Variants in PJA2 observed in about 807,000 individuals in gnomAD.
PJA2 encodes the protein E3 ubiquitin-protein ligase Praja-2.
PJA2 carries 25 observed loss-of-function variants against 69.3 expected under a neutral mutation model. The observed-to-expected ratio is 0.36, with a 90% CI of 0.26 to 0.50. The LOEUF is 0.50. Ranked by LOEUF, PJA2 falls within the 20% of genes least tolerant of loss-of-function variation. The pLI is 0.96. For synonymous variants in PJA2, 308 were observed against 277.8 expected, an observed-to-expected ratio of 1.11 and a Z score of -1.08; for missense variants, 809 against 830.2, an observed-to-expected ratio of 0.97 and a Z score of 0.31.
chr5:109,403,853 C>T (rs907586750), intron 1 of PJA2, among the ~76,000 whole-genome samples: 1 of 151,636 alleles, frequency 6.6e-6, no homozygotes, highest in African/African-American at 2.4e-5. Flanking sequence ...GGGCAGATCA[C>T]GAGGTGAGGA....
intron 9 of PJA2, among the ~76,000 whole-genome samples, chr5:109,340,156 T>G (rs546833330): frequency 2.6e-5 from 4 of 152,214 alleles, no homozygotes; most frequent in Admixed American, 1.3e-4. Flanking sequence ...GATTTTGTTG[T>G]TAATAAAATA....
chr5:109,400,761 C>A (rs1390111829), intron 1 of PJA2, among the ~76,000 whole-genome samples: 1 of 151,898 alleles, frequency 6.6e-6, no homozygotes, highest in South Asian at 2.1e-4. Context: ...AGGTGGATCA[C>A]GAGGTCAGGA....
chr5:109,344,624 T>C, intron 8 of PJA2, 81 bp downstream of exon 8: 1 of 923,942 alleles, frequency 1.1e-6, no homozygotes, highest in Non-Finnish European at 1.6e-6. Flanking sequence ...AATAATCAAG[T>C]ATTTAATTAT....
At chr5:109,398,851 T>C (rs965118392) in intron 1 of PJA2, among the ~76,000 whole-genome samples, 1 of 152,056 alleles carries the variant, frequency 6.6e-6, no homozygotes, top group African/African-American at 2.4e-5. Flanking sequence ...TCCAGGCTCC[T>C]ATACCAGTAC....
rs150803691 is a variant in PJA2, at chr5:109,358,617, C to G, written c.1653-2591G>C. On this transcript the variant is annotated intron_variant, in intron 6 of 9. Transcript: ENST00000361189. Reference sequence around the variant, plus strand: ...GCGGATCACTTTGAGCTCAGGAGTTCAAGACCAGCCTGGGCAACACGGTGA... The same window carrying G: ...GCGGATCACTTTGAGCTCAGGAGTTGAAGACCAGCCTGGGCAACACGGTGA... 4.7e-3 allele frequency among the ~76,000 whole-genome samples: 716 copies of G among 152,194 alleles called. 6 individuals are homozygous for G. Among genetic ancestry groups the G allele is most frequent in the Non-Finnish European group, 6.8e-3 (465 of 68,006 alleles).
At chr5:109,403,391 A>G (rs138154149) in intron 1 of PJA2, among the ~76,000 whole-genome samples, 50 of 152,274 alleles carry the variant, frequency 3.3e-4, no homozygotes, top group African/African-American at 1.2e-3. Flanking sequence ...GAAGCCTTCC[A>G]GCAAAGAAAA....
chr5:109,341,548 T>TG (rs1334894081), intron 9 of PJA2, among the ~76,000 whole-genome samples: 448 of 51,216 alleles, frequency 8.7e-3, no homozygotes, highest in South Asian at 0.014. Context: ...GGGAGGGAGG[T>TG]GGGGGGGGGT....
At chr5:109,350,276 A>G (rs2126990217) in intron 7 of PJA2, among the ~76,000 whole-genome samples, 1 of 152,112 alleles carries the variant, frequency 6.6e-6, no homozygotes, top group East Asian at 1.9e-4. Flanking sequence ...TAGTATGAAA[A>G]TCTATAAAAA....
intron 7 of PJA2, among the ~76,000 whole-genome samples, chr5:109,351,382 C>T (rs1314791005): frequency 6.6e-6 from 1 of 152,094 alleles, no homozygotes; most frequent in Non-Finnish European, 1.5e-5. Flanking sequence ...TCATTAGATT[C>T]ACTTCCTACA....
intron 9 of PJA2, among the ~76,000 whole-genome samples, chr5:109,340,520 G>A (rs954176694): frequency 6.6e-6 from 1 of 151,292 alleles, no homozygotes; most frequent in Non-Finnish European, 1.5e-5. Context: ...GAACTGGATG[G>A]TAAATATCCT....
Position 109,400,338 on chromosome 5 carries a change from A to AT in PJA2, c.-88+9503dup, listed in dbSNP as rs949321780. ...GTCAAAAGAAATGATCCAAGCCTAG[A>AT]TAAAAAGTGATTTAACTGAAAAGAA... On this transcript the variant is annotated intron_variant, in intron 1 of 9. Transcript: ENST00000361189. 1.2e-4 allele frequency among the ~76,000 whole-genome samples: 19 copies of AT among 152,080 alleles called. No individual in the cohort carries two copies. In the South Asian group the frequency reaches 1.5e-3, roughly 12 times the overall value.
At chr5:109,360,857 G>A (rs1762493196) in intron 6 of PJA2, among the ~76,000 whole-genome samples, 1 of 151,900 alleles carries the variant, frequency 6.6e-6, no homozygotes, top group African/African-American at 2.4e-5. Context: ...GCTGGGCATG[G>A]TGGCTCACAC....
intron 9 of PJA2, among the ~76,000 whole-genome samples, chr5:109,342,000 T>C (rs1416302393): frequency 1.4e-5 from 1 of 70,750 alleles, no homozygotes; most frequent in African/African-American, 5.6e-5. Context: ...GGGAGGGAGG[T>C]GGGGGGGTCG....
In PJA2 at chr5:109,399,802, C is replaced by A. The variant is rs567528827; in HGVS notation, c.-88+10040G>T. On this transcript the variant is annotated intron_variant, in intron 1 of 9. Transcript: ENST00000361189. Reference sequence around the variant, plus strand: ...CAGATAAAGCAATTAACAGAATTATCAGAGAAGAAAATTAAAATAACTATG... The same window carrying A: ...CAGATAAAGCAATTAACAGAATTATAAGAGAAGAAAATTAAAATAACTATG... 1.7e-4 allele frequency among the ~76,000 whole-genome samples: 26 copies of A among 152,202 alleles called. 1 individual carries two copies. Among genetic ancestry groups the A allele is most frequent in the East Asian group, 1.2e-3 (6 of 5,180 alleles).
At position 109,369,852 on chromosome 5, in the gene PJA2, G is replaced by A. The variant is rs1446292573; in HGVS notation, c.1284-1106C>T. Among the ~76,000 whole-genome samples, 4 of 152,138 alleles carry A rather than the reference G, an allele frequency of 2.6e-5. No individual in the cohort carries two copies. The South Asian group carries it at 8.3e-4, about 32-fold the overall frequency. On this transcript the variant is annotated intron_variant, in intron 4 of 9. Coordinates refer to ENST00000361189, the MANE Select transcript of PJA2 (RefSeq NM_014819.5). Reference sequence around the variant, plus strand: ...GTTCGAGAGCAGCCTGACCAACATAGAGAAACTCCATCTCTACTAAAAATA... The same window carrying A: ...GTTCGAGAGCAGCCTGACCAACATAAAGAAACTCCATCTCTACTAAAAATA...
chr5:109,364,598 G>A (rs564497246), intron 5 of PJA2, among the ~76,000 whole-genome samples: 1 of 141,160 alleles, frequency 7.1e-6, no homozygotes, highest in East Asian at 2.0e-4. Context: ...ACTCCAGCCT[G>A]GGCGACAGAG....
chr5:109,400,587 G>A (rs996552098), intron 1 of PJA2, among the ~76,000 whole-genome samples: 3 of 152,042 alleles, frequency 2.0e-5, no homozygotes, highest in African/African-American at 7.2e-5. Context: ...TAAATCCCAA[G>A]AAGCTCAGTG....
At chr5:109,384,607 T>C (rs1306165932) in intron 1 of PJA2, among the ~76,000 whole-genome samples, 3 of 152,196 alleles carry the variant, frequency 2.0e-5, no homozygotes, top group Admixed American at 1.3e-4. Flanking sequence ...ATTTATATGT[T>C]ACCTGTCTAA....
chr5:109,399,039 C>G (rs1284157504), intron 1 of PJA2, among the ~76,000 whole-genome samples: 1 of 151,948 alleles, frequency 6.6e-6, no homozygotes, highest in East Asian at 1.9e-4. Flanking sequence ...TGGTGAAACC[C>G]CATCTCTACT....
Sources: gnomAD v4.1 joint callset for allele counts (sites outside exome capture counted in the v4.1 genomes callset) on GRCh38, gnomAD v4.1.1 for gene constraint, MANE v1.5 for transcripts, NCBI Gene and HGNC (gene_info 2026-07-23, HGNC 2026-07-21) for gene names.